The following TUBGCP4 variants were observed in gnomAD, a reference collection of about 807,000 sequenced individuals.
TUBGCP4 encodes gamma-tubulin complex component 4.
Under a neutral mutation model 91.6 loss-of-function variants are expected in TUBGCP4, and 54 were observed. The observed-to-expected ratio is 0.59, with a 90% confidence interval of 0.47 to 0.74. TUBGCP4 has a LOEUF of 0.74. Ranked by LOEUF, TUBGCP4 falls within the 30% of genes least tolerant of loss-of-function variation. The pLI is 0.00. For missense variants in TUBGCP4, 593 were observed against 800.9 expected (o/e 0.74, Z 3.13); for synonymous variants, 297 against 302.8 (o/e 0.98, Z 0.20).
At chr15:43,404,755 A>C (rs983583129) in intron 17 of TUBGCP4, 7 of 610,722 alleles carry the variant, frequency 1.1e-5, no homozygotes, top group Non-Finnish European at 1.9e-5. Context: ...AATACTAAAA[A>C]ACCTGACAGT....
rs546764882 is a variant in TUBGCP4, at chr15:43,371,317, G to C, written c.-38G>C. The C allele has an allele frequency of 4.4e-6, 7 of 1,603,356 alleles. No homozygotes were observed. The highest frequency in any genetic ancestry group is 6.0e-6 in the Non-Finnish European group (7 of 1,173,566). On this transcript the variant is annotated 5_prime_UTR_variant, in exon 1 of 18. Transcript: ENST00000564079. Reference sequence around the variant, plus strand: ...GTCGCCTGGAGGTGCGCTGGAGGAGGGGGTGACATAACCAGGGACTCGAGG... The same window carrying C: ...GTCGCCTGGAGGTGCGCTGGAGGAGCGGGTGACATAACCAGGGACTCGAGG...
chr15:43,408,263 G>T lies in TUBGCP4; in HGVS notation c.*3049G>T, dbSNP rs1056098427. The T allele has an allele frequency of 3.1e-6, 2 of 640,876 alleles. No homozygotes were observed. The highest frequency in any genetic ancestry group is 8.6e-4 in the Middle Eastern group (2 of 2,326). 39.7% of individuals were successfully genotyped at this position (640,876 alleles called of 1,614,324 possible). Reference sequence around the variant, plus strand: ...GAGGCTGTCGTGGTTGGATCTCTTGGGCCTGGGAGTTCGAGACCAGCCTGG... The same window carrying T: ...GAGGCTGTCGTGGTTGGATCTCTTGTGCCTGGGAGTTCGAGACCAGCCTGG... On this transcript the variant is annotated 3_prime_UTR_variant, in exon 18 of 18. Transcript: ENST00000564079.
In TUBGCP4 at chr15:43,395,176, T is replaced by A; in HGVS notation, c.1065+19T>A. ...GCTGAAGGTAATGGCTTAGCTGTTG[T>A]AATTCTTACGGTGATGCTGGTAGGC... On this transcript the variant is annotated intron_variant, in intron 10 of 17. Coordinates refer to ENST00000564079, the MANE Select transcript of TUBGCP4 (RefSeq NM_014444.5). The A allele has an allele frequency of 6.2e-7, 1 of 1,613,860 alleles. No homozygotes were observed. Among genetic ancestry groups the A allele is most frequent in the Non-Finnish European group, 8.5e-7 (1 of 1,179,740 alleles).
intron 1 of TUBGCP4, among the ~76,000 whole-genome samples, chr15:43,375,737 A>G (rs2044195427): frequency 6.6e-6 from 1 of 152,200 alleles, no homozygotes; most frequent in African/African-American, 2.4e-5. Context: ...CAATATTGCT[A>G]AAGAGACTTT....
intron 6 of TUBGCP4, among the ~76,000 whole-genome samples, chr15:43,381,246 T>C (rs1166878342): frequency 6.6e-6 from 1 of 152,244 alleles, no homozygotes; most frequent in Non-Finnish European, 1.5e-5. Flanking sequence ...ACATGTTTGT[T>C]CTGTGTTTGC....
intron 4 of TUBGCP4, 63 bp downstream of exon 4, chr15:43,377,130 A>G: frequency 7.2e-7 from 1 of 1,392,370 alleles, no homozygotes; most frequent in Non-Finnish European, 1.0e-6. Flanking sequence ...AATCTAATTT[A>G]TGGTACTGTT....
intron 7 of TUBGCP4, 106 bp downstream of exon 7, chr15:43,383,610 C>T: frequency 1.1e-6 from 1 of 892,568 alleles, no homozygotes. Context: ...TGAGCACCTT[C>T]CATCAATCCT....
At chr15:43,379,380 G>A (rs778029769) in intron 5 of TUBGCP4, among the ~76,000 whole-genome samples, 36 of 152,302 alleles carry the variant, frequency 2.4e-4, no homozygotes, top group African/African-American at 7.9e-4. Flanking sequence ...GGTGGCTCAC[G>A]CCTGTAATCC....
chr15:43,377,956 TA>T, intron 5 of TUBGCP4, 53 bp downstream of exon 5: 1 of 1,374,152 alleles, frequency 7.3e-7, no homozygotes, highest in East Asian at 2.4e-5. Flanking sequence ...GGAATATTAC[TA>T]ATTAATTTTG....
chr15:43,382,755 A>T lies in TUBGCP4; in HGVS notation c.522-548A>T, dbSNP rs1208028872. Among the ~76,000 whole-genome samples the T allele has an allele frequency of 2.6e-5, 4 of 152,124 alleles. No individual in the cohort carries two copies. The East Asian group carries it at 7.7e-4, about 29-fold the overall frequency. On this transcript the variant is annotated intron_variant, in intron 6 of 17. Coordinates refer to ENST00000564079, the MANE Select transcript of TUBGCP4 (RefSeq NM_014444.5). The stretch of plus-strand genomic sequence containing the variant: ...GTACATTTTCCCCTTTTTAATTAAT[A>T]TGCTATCTGGTGGGTGATCCTTTGA...
At chr15:43,394,415 G>C (rs1221749516) in intron 9 of TUBGCP4, 1 of 152,166 alleles carries the variant, frequency 6.6e-6, no homozygotes, top group Non-Finnish European at 1.5e-5. Context: ...TGTCCCAGAA[G>C]TTGTTAATTT....
At chr15:43,374,043 A>G (rs2044166414) in intron 1 of TUBGCP4, among the ~76,000 whole-genome samples, 1 of 152,188 alleles carries the variant, frequency 6.6e-6, no homozygotes, top group South Asian at 2.1e-4. Context: ...ATCTACATTA[A>G]TTGGATTCCT....
In TUBGCP4 at chr15:43,397,218, G is replaced by A. The variant is rs924320059; in HGVS notation, c.1176G>A (p.Val392=). The A allele has an allele frequency of 6.2e-7, 1 of 1,613,740 alleles. No homozygotes were observed. Among genetic ancestry groups the A allele is most frequent in the South Asian group, 1.1e-5 (1 of 91,062 alleles). The stretch of plus-strand genomic sequence containing the variant: ...CCTGCGTGTTCTTTCTTGCAGATGT[G>A]AATGTGGCCTTTCAACAGTCAGCAC... ...TPPTAVTEHD[V]NVAFQQSAHK... is the part of the protein sequence containing the mutation. Residue 392 remains valine, a synonymous_variant, in exon 12 of 18, where the codon GTG becomes GTA. Coordinates refer to ENST00000564079, the MANE Select transcript of TUBGCP4 (RefSeq NM_014444.5).
At chr15:43,389,500 T>G (rs920229651) in intron 9 of TUBGCP4, among the ~76,000 whole-genome samples, 2 of 152,174 alleles carry the variant, frequency 1.3e-5, no homozygotes, top group Non-Finnish European at 2.9e-5. Context: ...TCCAGAGCTT[T>G]TTATCATAAG....
chr15:43,388,695 C>T (rs2044420545), intron 9 of TUBGCP4, among the ~76,000 whole-genome samples: 1 of 152,034 alleles, frequency 6.6e-6, no homozygotes, highest in Non-Finnish European at 1.5e-5. Context: ...TGAAAGTTTG[C>T]TAGAAATTAT....
intron 1 of TUBGCP4, among the ~76,000 whole-genome samples, chr15:43,375,894 A>T (rs2044197437): frequency 6.6e-6 from 1 of 152,242 alleles, no homozygotes; most frequent in Non-Finnish European, 1.5e-5. Flanking sequence ...AGCATGTGTT[A>T]CCTATTTTAA....
At position 43,401,694 on chromosome 15, in the gene TUBGCP4, A is replaced by C. The variant is rs1400698749; in HGVS notation, c.1597-22A>C. ...GTGCTTAGAATATGCAAAGTGCTAA[A>C]ATTTTTTGTAATGTCTATCAGGTAG... On this transcript the variant is annotated intron_variant, in intron 14 of 17. Transcript: ENST00000564079. 5 of 1,612,428 alleles carry C rather than the reference A, an allele frequency of 3.1e-6. No individual in the cohort carries two copies. In the African/African-American group the frequency reaches 5.3e-5, roughly 17 times the overall value.
At position 43,406,431 on chromosome 15, in the gene TUBGCP4, C is replaced by G. The variant is rs1052317547; in HGVS notation, c.*1217C>G. Reference sequence around the variant, plus strand: ...CTGCTGTCTCTGGAGCAGGAGCTGGCAAACTATGGCCTGCTGTCTGTTTTT... The same window carrying G: ...CTGCTGTCTCTGGAGCAGGAGCTGGGAAACTATGGCCTGCTGTCTGTTTTT... On this transcript the variant is annotated 3_prime_UTR_variant, in exon 18 of 18. Transcript: ENST00000564079. 1 of 345,884 alleles carries G rather than the reference C, an allele frequency of 2.9e-6. No homozygotes were observed. The highest frequency in any genetic ancestry group is 2.1e-5 in the African/African-American group (1 of 46,520). The allele number at this position is 345,884 out of a possible 1,614,324, so 21.4% of individuals were successfully genotyped here.
chr15:43,371,172 C>T lies in TUBGCP4; in HGVS notation c.-183C>T, dbSNP rs1202911944. On this transcript the variant is annotated 5_prime_UTR_variant, in exon 1 of 18. Coordinates refer to ENST00000564079, the MANE Select transcript of TUBGCP4 (RefSeq NM_014444.5). Reference sequence around the variant, plus strand: ...CTGCCGAACTTCCGGGACTCCCCCGCGACCCCTTCCCAGCTTCCCGTCCGC... The same window carrying T: ...CTGCCGAACTTCCGGGACTCCCCCGTGACCCCTTCCCAGCTTCCCGTCCGC... 3.1e-6 allele frequency: 2 copies of T among 642,260 alleles called. No individual in the cohort carries two copies. The highest frequency in any genetic ancestry group is 1.8e-5 in the African/African-American group (1 of 54,800). 39.8% of individuals were successfully genotyped at this position (642,260 alleles called of 1,614,324 possible).
Sources: allele counts gnomAD v4.1 joint callset (sites outside exome capture counted in the v4.1 genomes callset), GRCh38; gene constraint gnomAD v4.1.1; transcripts MANE v1.5; gene names NCBI Gene and HGNC (gene_info 2026-07-23, HGNC 2026-07-21).